The following ADGRF3 variants were observed in gnomAD, a reference collection of about 807,000 sequenced individuals.
ADGRF3 encodes the protein adhesion G protein-coupled receptor F3.
Under a neutral mutation model 93.2 loss-of-function variants are expected in ADGRF3, and 85 were observed. That is an observed-to-expected ratio of 0.91 (90% confidence interval 0.77 to 1.09). The LOEUF (loss-of-function observed/expected upper bound fraction) is 1.09. Among genes scored for constraint, ADGRF3 ranks in the 50% least tolerant of loss-of-function variants. The probability of loss-of-function intolerance (pLI) is 0.00; values close to 1 mark genes in which losing one functional copy is unlikely to be tolerated. For missense variants in ADGRF3, 1,125 were observed against 1,246.2 expected, an observed-to-expected ratio of 0.90 and a Z score of 1.46; for synonymous variants, 534 against 532.5, an observed-to-expected ratio of 1.00 and a Z score of -0.04.
intron 1 of ADGRF3, among the ~76,000 whole-genome samples, chr2:26,343,474 G>C (rs953149283): frequency 1.3e-4 from 19 of 151,480 alleles, no homozygotes; most frequent in African/African-American, 4.4e-4. Flanking sequence ...GAGCCTCGCT[G>C]TGTCACCCAG....
chr2:26,327,791 T>G (rs1273780661), intron 1 of ADGRF3, among the ~76,000 whole-genome samples: 1 of 151,204 alleles, frequency 6.6e-6, no homozygotes, highest in East Asian at 2.0e-4. Flanking sequence ...AGGAGCCTAC[T>G]CCCAGAGGAC....
chr2:26,341,669 G>GT (rs1010651415), intron 1 of ADGRF3, among the ~76,000 whole-genome samples: 6 of 151,712 alleles, frequency 4.0e-5, no homozygotes, highest in East Asian at 1.9e-4. Context: ...GTTCCTTTTT[G>GT]TTTTTTTTGG....
chr2:26,330,167 C>T (rs943885731), intron 1 of ADGRF3, among the ~76,000 whole-genome samples: 4 of 152,176 alleles, frequency 2.6e-5, no homozygotes, highest in African/African-American at 9.7e-5. Context: ...AAAACCTTTA[C>T]GGTGCTATTC....
chr2:26,334,152 T>A (rs537306992), intron 1 of ADGRF3, among the ~76,000 whole-genome samples: 2 of 152,086 alleles, frequency 1.3e-5, no homozygotes, highest in African/African-American at 4.8e-5. Context: ...ATAGGATTTT[T>A]AAAAATCACC....
rs199685359 is a variant in ADGRF3, at chr2:26,309,123, C to A, written c.2994-16G>T. ...ATCTGTCTTCCTGTGAAAGAGCTTGCGGCTGGTGAGTGGATACTGAGCCCA... is the reference window on the plus strand; with the variant it reads ...ATCTGTCTTCCTGTGAAAGAGCTTGAGGCTGGTGAGTGGATACTGAGCCCA... On this transcript the variant is annotated splice_polypyrimidine_tract_variant and intron_variant, in intron 13 of 13. Coordinates refer to ENST00000651242, the MANE Select transcript of ADGRF3 (RefSeq NM_001321971.2). 20 of 1,613,998 alleles carry A rather than the reference C, an allele frequency of 1.2e-5. No homozygotes were observed. The highest frequency in any genetic ancestry group is 3.3e-5 in the South Asian group (3 of 91,084).
At chr2:26,322,966 T>A (rs1015095893) in intron 1 of ADGRF3, among the ~76,000 whole-genome samples, 1 of 151,916 alleles carries the variant, frequency 6.6e-6, no homozygotes, top group African/African-American at 2.4e-5. Context: ...TGAAAACCCG[T>A]CTCTACTAAA....
Position 26,327,551 on chromosome 2 carries a change from CTT to C in ADGRF3, c.115-9991_115-9990del, listed in dbSNP as rs34569687. ...TAACAGAATACCACAGACTGGGTAACTTTTTTTTTTTTAAATAAGGCATTTAT... is the reference window on the plus strand; with the variant it reads ...TAACAGAATACCACAGACTGGGTAACTTTTTTTTTTAAATAAGGCATTTAT... On this transcript the variant is annotated intron_variant, in intron 1 of 13. Coordinates refer to ENST00000651242, the MANE Select transcript of ADGRF3 (RefSeq NM_001321971.2). 2.0e-5 allele frequency among the ~76,000 whole-genome samples: 3 copies of C among 148,358 alleles called. No homozygotes were observed. In the South Asian group the frequency reaches 6.4e-4, roughly 32 times the overall value.
chr2:26,330,491 A>C (rs896098958), intron 1 of ADGRF3, among the ~76,000 whole-genome samples: 2 of 152,156 alleles, frequency 1.3e-5, no homozygotes, highest in African/African-American at 2.4e-5. Context: ...CTTGTAGCAG[A>C]GACAAAAAGC....
intron 1 of ADGRF3, chr2:26,317,899 G>T: frequency 1.2e-6 from 1 of 854,530 alleles, no homozygotes; most frequent in Non-Finnish European, 1.9e-6. Flanking sequence ...GGACATTGCT[G>T]GCTGGGGCCC....
chr2:26,309,645 G>C, intron 12 of ADGRF3, 64 bp from the exon 13 acceptor site: 1 of 1,574,502 alleles, frequency 6.4e-7, no homozygotes, highest in African/African-American at 1.3e-5. Flanking sequence ...CTCCCTTGAA[G>C]AGGTTGTATC....
chr2:26,314,853 T>C (rs1674516931), intron 5 of ADGRF3: 4 of 564,032 alleles, frequency 7.1e-6, no homozygotes, highest in Non-Finnish European at 1.3e-5. Flanking sequence ...TGCCCGTGAA[T>C]TTCATGCTCT....
intron 10 of ADGRF3, 93 bp from the exon 11 acceptor site, chr2:26,310,330 A>T: frequency 1.4e-6 from 2 of 1,397,106 alleles, no homozygotes; most frequent in Non-Finnish European, 2.0e-6. Context: ...TCACATCCTA[A>T]GGCTTCTCAT....
chr2:26,313,162 G>T (rs1239002361), intron 8 of ADGRF3, 40 bp from the exon 9 acceptor site: 2 of 1,608,480 alleles, frequency 1.2e-6, no homozygotes, highest in Non-Finnish European at 1.7e-6. Context: ...ACACATGGTG[G>T]AATGATGGTT....
chr2:26,314,495 G>A lies in ADGRF3; in HGVS notation c.847C>T (p.Pro283Ser). ...ATGCAGCAGCTCAGCTGGAAGCCAG[G>A]GGAGGTGGCACAGGAGATGGACAGC... ...YQLSISCATS[P>S]GFQLSCCIPS... Residue 283 changes from proline to serine, a missense_variant, in exon 6 of 14, where the codon CCT becomes TCT. Transcript: ENST00000651242. The A allele has an allele frequency of 1.2e-6, 2 of 1,614,042 alleles. No homozygotes were observed. The highest frequency in any genetic ancestry group is 1.3e-5 in the African/African-American group (1 of 75,044).
intron 13 of ADGRF3, 60 bp from the exon 14 acceptor site, chr2:26,309,167 C>A: frequency 1.9e-6 from 3 of 1,613,996 alleles, no homozygotes; most frequent in Non-Finnish European, 2.5e-6. Flanking sequence ...AGGCTGCCCT[C>A]CCCTCTGGAT....
rs933699600 is a variant in ADGRF3 at position 26,339,438 on chromosome 2, G to A, written c.114+6683C>T. Among the ~76,000 whole-genome samples the A allele has an allele frequency of 5.3e-5, 8 of 152,178 alleles. No homozygotes were observed. In the East Asian group the frequency reaches 1.5e-3, roughly 29 times the overall value. On this transcript the variant is annotated intron_variant, in intron 1 of 13. Coordinates refer to ENST00000651242, the MANE Select transcript of ADGRF3 (RefSeq NM_001321971.2). Reference sequence around the variant, plus strand: ...TTGATCCCGGGAGGCAGAGGTTGCAGTGAGCTAAGATCGTGCCACTGCACT... The same window carrying A: ...TTGATCCCGGGAGGCAGAGGTTGCAATGAGCTAAGATCGTGCCACTGCACT...
rs527316652 is a variant in ADGRF3 at position 26,316,161 on chromosome 2, G to A, written c.499+114C>T. On this transcript the variant is annotated intron_variant, in intron 4 of 13. Coordinates refer to ENST00000651242, the MANE Select transcript of ADGRF3 (RefSeq NM_001321971.2). ...TGGCTGGCTTTTTCTCCCACCCAGA[G>A]GAGCAGCTGTGCTTGGACCAGCTGG... 2.8e-5 allele frequency: 31 copies of A among 1,115,046 alleles called. No individual in the cohort carries two copies. In the African/African-American group the frequency reaches 4.4e-4, roughly 16 times the overall value. The allele number at this position is 1,115,046 out of a possible 1,614,324, so 69.1% of individuals were successfully genotyped here.
chr2:26,310,620 CT>C, intron 10 of ADGRF3, 71 bp downstream of exon 10: 1 of 1,478,216 alleles, frequency 6.8e-7, no homozygotes, highest in African/African-American at 1.4e-5. Context: ...TTGGTACCTC[CT>C]AGAGAAGAGA....
chr2:26,336,027 G>T (rs1676014351), intron 1 of ADGRF3, among the ~76,000 whole-genome samples: 2 of 152,048 alleles, frequency 1.3e-5, no homozygotes, highest in Non-Finnish European at 2.9e-5. Flanking sequence ...ATACAGATTT[G>T]GTCTTTACCT....
Sources: allele counts gnomAD v4.1 joint callset (sites outside exome capture counted in the v4.1 genomes callset), GRCh38; gene constraint gnomAD v4.1.1; transcripts MANE v1.5; gene names NCBI Gene and HGNC (gene_info 2026-07-23, HGNC 2026-07-21).